Variants in RBM15B observed in about 807,000 individuals in gnomAD.
RBM15B encodes RNA binding motif protein 15B.
Under a neutral mutation model 53.3 loss-of-function variants are expected in RBM15B, and 11 were observed. The observed-to-expected ratio is 0.21, with a 90% CI of 0.13 to 0.34. The LOEUF (loss-of-function observed/expected upper bound fraction) is 0.34, where lower values mean the gene tolerates loss of function less well. Ranked by LOEUF, RBM15B falls within the 10% of genes least tolerant of loss-of-function variation. The pLI is 1.00. For missense variants in RBM15B, 1,136 were observed against 1,250.3 expected (o/e 0.91, Z 1.38); for synonymous variants, 631 against 540.7 (o/e 1.17, Z -2.32).
Position 51,395,417 on chromosome 3 carries a change from G to A in RBM15B, c.*1345G>A, listed in dbSNP as rs549281624. 185 of 181,658 alleles carry A rather than the reference G, an allele frequency of 1.0e-3. 1 individual carries two copies. The highest frequency in any genetic ancestry group is 1.7e-3 in the Non-Finnish European group (136 of 78,094). 11.3% of individuals were successfully genotyped at this position (181,658 alleles called of 1,614,324 possible). Reference sequence around the variant, plus strand: ...TAGCTGGGAAGAAGGGTGAGATTCCGTCTTCTTCCCTGTCTCAAGTAAGTA... The same window carrying A: ...TAGCTGGGAAGAAGGGTGAGATTCCATCTTCTTCCCTGTCTCAAGTAAGTA... On this transcript the variant is annotated 3_prime_UTR_variant, in exon 1 of 1. Coordinates refer to ENST00000563281, the MANE Select transcript of RBM15B (RefSeq NM_013286.5).
rs1559455380 is a variant in RBM15B at position 51,392,779 on chromosome 3, C to T, written c.1380C>T (p.Tyr460=). 3 of 1,614,148 alleles carry T rather than the reference C, an allele frequency of 1.9e-6. No homozygotes were observed. The highest frequency in any genetic ancestry group is 4.5e-5 in the East Asian group (2 of 44,886). ...GAGATAGCTTTGCCTATATTCAGTA[C>T]GAGAGCTTGGACGCAGCCCAGGCCG... ...VKGDSFAYIQ[Y]ESLDAAQAAC... is the part of the protein sequence containing the mutation. Residue 460 remains tyrosine, a synonymous_variant, in exon 1 of 1, where the codon TAC becomes TAT. Transcript: ENST00000563281. The surrounding 1 kb of genome is among the most constrained non-coding windows in gnomAD (Gnocchi z 7.5).
chr3:51,395,831 A>G lies in RBM15B; in HGVS notation c.*1759A>G. 1 of 413,532 alleles carries G rather than the reference A, an allele frequency of 2.4e-6. No homozygotes were observed. The highest frequency in any genetic ancestry group is 4.4e-6 in the Non-Finnish European group (1 of 226,144). 25.6% of individuals were successfully genotyped at this position (413,532 alleles called of 1,614,324 possible). A position where few individuals can be genotyped will look rare whatever the true frequency, so the allele number is the denominator to read the frequency against. On this transcript the variant is annotated 3_prime_UTR_variant, in exon 1 of 1. Coordinates refer to ENST00000563281, the MANE Select transcript of RBM15B (RefSeq NM_013286.5). ...GTGGAATGGACAGGTGCCTCGCAAG[A>G]GAGCAAGCACGTTCATAACAAAACA...
In RBM15B at chr3:51,392,026, C is replaced by T; in HGVS notation, c.627C>T (p.Asp209=). Residue 209 remains aspartate, a synonymous_variant, in exon 1 of 1, where the codon GAC becomes GAT. Coordinates refer to ENST00000563281, the MANE Select transcript of RBM15B (RefSeq NM_013286.5). The surrounding 1 kb of genome is among the most constrained non-coding windows in gnomAD (Gnocchi z 7.5). ...TGGCCCGGCAGCTGCTGCTCTACGA[C>T]CGCCCGCTCAAGGTAGAGCCCGTGT... is the stretch of plus-strand genomic sequence containing the variant. The part of the protein sequence containing the change: ...HALARQLLLY[D]RPLKVEPVYL... The T allele has an allele frequency of 6.3e-7, 1 of 1,597,698 alleles. No individual in the cohort carries two copies. The highest frequency in any genetic ancestry group is 8.5e-7 in the Non-Finnish European group (1 of 1,178,328).
rs1156788563 is a variant in RBM15B at position 51,395,767 on chromosome 3, AG to A, written c.*1697del. The stretch of plus-strand genomic sequence containing the variant: ...CTGTGGAGAGGTCATGCTGGTCCAC[AG>A]GAACACTTGGCAGTGCTCTCGTAGA... On this transcript the variant is annotated 3_prime_UTR_variant, in exon 1 of 1. Transcript: ENST00000563281. The A allele has an allele frequency of 4.8e-6, 2 of 413,424 alleles. No homozygotes were observed. The allele number at this position is 413,424 out of a possible 1,614,324, so 25.6% of individuals were successfully genotyped here. A position where few individuals can be genotyped will look rare whatever the true frequency, so the allele number is the denominator to read the frequency against.
rs1553621937 is a variant in RBM15B at position 51,393,296 on chromosome 3, G to T, written c.1897G>T (p.Glu633Ter). The change falls in exon 1 of 1, where the codon GAG becomes TAG. Residue 633 changes from glutamate (E) to a stop codon, truncating the protein, a stop_gained. Coordinates refer to ENST00000563281, the MANE Select transcript of RBM15B (RefSeq NM_013286.5). LOFTEE classifies it high-confidence loss of function. This position sits in a 1 kb window ranked among gnomAD's most constrained non-coding sequence, Gnocchi z 5.6. ...QSERGSDRTP[E>*]RSRKENHSSE... ...AGAGCGGGGCTCCGACCGCACCCCT[G>T]AGCGCAGCCGCAAGGAGAACCACTC... is the stretch of plus-strand genomic sequence containing the variant. 1 of 1,609,998 alleles carries T rather than the reference G, an allele frequency of 6.2e-7. No homozygotes were observed.
Position 51,391,773 on chromosome 3 carries a change from A to C in RBM15B, c.374A>C (p.Glu125Ala). Residue 125 changes from glutamate (E) to alanine (A), a missense_variant, in exon 1 of 1, where the codon GAG becomes GCG. Glu to Ala is a moderately radical substitution (Grantham distance 107). Around this residue, in one of 7 missense-constraint regions of RBM15B, gnomAD observed 257 missense variants for 261.1 expected, o/e 0.98. Transcript: ENST00000563281. This position sits in a 1 kb window ranked among gnomAD's most constrained non-coding sequence, Gnocchi z 4.5. ...CCGCCTCCGCCACCGCCTGGGGCCG[A>C]GCCCGCGTGTCCCGGCTCATCCGCG... ...LPPPPPPPGA[E>A]PACPGSSAAA... The C allele has an allele frequency of 6.3e-7, 1 of 1,582,790 alleles. No homozygotes were observed. The highest frequency in any genetic ancestry group is 8.5e-7 in the Non-Finnish European group (1 of 1,173,158).
rs2089166103 is a variant in RBM15B at position 51,395,851 on chromosome 3, A to AAAAC, written c.*1781_*1784dup. The AAAAC allele has an allele frequency of 4.8e-6, 2 of 413,552 alleles. No individual in the cohort carries two copies. Among genetic ancestry groups the AAAAC allele is most frequent in the East Asian group, 3.6e-5 (1 of 28,086 alleles). 25.6% of individuals were successfully genotyped at this position (413,552 alleles called of 1,614,324 possible). A position where few individuals can be genotyped will look rare whatever the true frequency, so the allele number is the denominator to read the frequency against. ...GCAAGAGAGCAAGCACGTTCATAACAAAACAGCAACACAAAGACATGTTAA... is the reference window on the plus strand; with the variant it reads ...GCAAGAGAGCAAGCACGTTCATAACAAAACAAACAGCAACACAAAGACATGTTAA... On this transcript the variant is annotated 3_prime_UTR_variant, in exon 1 of 1. Coordinates refer to ENST00000563281, the MANE Select transcript of RBM15B (RefSeq NM_013286.5).
chr3:51,392,537 G>T lies in RBM15B; in HGVS notation c.1138G>T (p.Ala380Ser), dbSNP rs2089056528. ...RPARGQGGAY[A>S]FLKFQNLDMA... ...TGCCCGTGGCCAGGGCGGTGCCTAT[G>T]CCTTCCTCAAGTTCCAGAACCTGGA... Residue 380 changes from alanine (A) to serine (S), a missense_variant, in exon 1 of 1, where the codon GCC becomes TCC. Transcript: ENST00000563281. The surrounding 1 kb of genome is among the most constrained non-coding windows in gnomAD (Gnocchi z 7.5). 2 of 1,613,926 alleles carry T rather than the reference G, an allele frequency of 1.2e-6. No individual in the cohort carries two copies. Among genetic ancestry groups the T allele is most frequent in the Non-Finnish European group, 1.7e-6 (2 of 1,180,024 alleles).
Position 51,391,808 on chromosome 3 carries a change from G to C in RBM15B, c.409G>C (p.Glu137Gln). Residue 137 changes from glutamate (E) to glutamine (Q), a missense_variant, in exon 1 of 1, where the codon GAG becomes CAG. By Grantham distance (29) the Glu-to-Gln change is conservative (BLOSUM62 2). Transcript: ENST00000563281. The surrounding 1 kb of genome is among the most constrained non-coding windows in gnomAD (Gnocchi z 4.5). ...TCCCGGCTCATCCGCGGCCGCGCCT[G>C]AGTACAAGACGTTGCTCATCAGCAG... Reference protein sequence around the residue: ...ACPGSSAAAPEYKTLLISSLS... With the variant: ...ACPGSSAAAPQYKTLLISSLS... The C allele has an allele frequency of 1.3e-6, 2 of 1,596,310 alleles. No homozygotes were observed. The highest frequency in any genetic ancestry group is 1.7e-6 in the Non-Finnish European group (2 of 1,177,782).
rs2106683331 is a variant in RBM15B, at chr3:51,397,386, G to T, written c.*3314G>T. 6.0e-6 allele frequency: 1 copy of T among 167,176 alleles called. No individual in the cohort carries two copies. Among genetic ancestry groups the T allele is most frequent in the South Asian group, 2.1e-4 (1 of 4,832 alleles). The allele number at this position is 167,176 out of a possible 1,614,324, so 10.4% of individuals were successfully genotyped here. On this transcript the variant is annotated 3_prime_UTR_variant, in exon 1 of 1. Coordinates refer to ENST00000563281, the MANE Select transcript of RBM15B (RefSeq NM_013286.5). Reference sequence around the variant, plus strand: ...AGACAAGCTCCACTACCCCTAACCTGCCAGGATGCTCAAGTCCACTGTCAC... The same window carrying T: ...AGACAAGCTCCACTACCCCTAACCTTCCAGGATGCTCAAGTCCACTGTCAC...
rs2089053598 is a variant in RBM15B, at chr3:51,392,357, C to A, written c.958C>A (p.Pro320Thr). 1 of 1,613,828 alleles carries A rather than the reference C, an allele frequency of 6.2e-7. No individual in the cohort carries two copies. The highest frequency in any genetic ancestry group is 1.7e-5 in the Admixed American group (1 of 60,014). ...CGACCGTGGGCGCCCCTATGGCTAC[C>A]CAGCTGTGTGTGAGGAGGACCTGAT... ...YDDRGRPYGY[P>T]AVCEEDLMPE... The change falls in exon 1 of 1, where the codon CCA (proline) becomes ACA (threonine). Residue 320 changes from proline (P) to threonine (T), a missense_variant. Pro to Thr is a conservative substitution (Grantham distance 38, BLOSUM62 -1). Around this residue, in one of 7 missense-constraint regions of RBM15B, gnomAD observed 204 missense variants for 196.8 expected, o/e 1.04. Coordinates refer to ENST00000563281, the MANE Select transcript of RBM15B (RefSeq NM_013286.5). This position sits in a 1 kb window ranked among gnomAD's most constrained non-coding sequence, Gnocchi z 7.5.
At position 51,396,136 on chromosome 3, in the gene RBM15B, T is replaced by TATC. The variant is rs782627643; in HGVS notation, c.*2065_*2067dup. Reference sequence around the variant, plus strand: ...TCCAAAACTTCTTCTCTGGGCTACCTATCTTCCTTCATGAAGCAGGTGCTC... The same window carrying TATC: ...TCCAAAACTTCTTCTCTGGGCTACCTATCATCTTCCTTCATGAAGCAGGTGCTC... On this transcript the variant is annotated 3_prime_UTR_variant, in exon 1 of 1. Transcript: ENST00000563281. 5.2e-5 allele frequency: 21 copies of TATC among 402,536 alleles called. No homozygotes were observed. Among genetic ancestry groups the TATC allele is most frequent in the African/African-American group, 1.7e-4 (8 of 48,436 alleles). The allele number at this position is 402,536 out of a possible 1,614,324, so 24.9% of individuals were successfully genotyped here.
Position 51,392,238 on chromosome 3 carries a change from G to C in RBM15B, c.839G>C (p.Arg280Pro). 1 of 1,575,246 alleles carries C rather than the reference G, an allele frequency of 6.3e-7. No homozygotes were observed. Among genetic ancestry groups the C allele is most frequent in the Non-Finnish European group, 8.6e-7 (1 of 1,165,334 alleles). Residue 280 changes from arginine to proline, a missense_variant, in exon 1 of 1, where the codon CGT becomes CCT. Transcript: ENST00000563281. The surrounding 1 kb of genome is among the most constrained non-coding windows in gnomAD (Gnocchi z 7.5). ...AAPPLREPRA[R>P]HAAAAFALDA... ...CCGCCCCTGCGGGAGCCCCGTGCCCGTCACGCCGCCGCAGCCTTCGCCCTG... is the reference window on the plus strand; with the variant it reads ...CCGCCCCTGCGGGAGCCCCGTGCCCCTCACGCCGCCGCAGCCTTCGCCCTG...
At position 51,395,805 on chromosome 3, in the gene RBM15B, T is replaced by C; in HGVS notation, c.*1733T>C. On this transcript the variant is annotated 3_prime_UTR_variant, in exon 1 of 1. Transcript: ENST00000563281. ...AGTGCTCTCGTAGACCCCTCGGTGATGTGGAATGGACAGGTGCCTCGCAAG... is the reference window on the plus strand; with the variant it reads ...AGTGCTCTCGTAGACCCCTCGGTGACGTGGAATGGACAGGTGCCTCGCAAG... 2.4e-6 allele frequency: 1 copy of C among 413,522 alleles called. No individual in the cohort carries two copies. The highest frequency in any genetic ancestry group is 3.6e-5 in the East Asian group (1 of 28,084). The allele number at this position is 413,522 out of a possible 1,614,324, so 25.6% of individuals were successfully genotyped here.
rs782074771 is a variant in RBM15B, at chr3:51,393,944, G to A, written c.2545G>A (p.Gly849Ser). The A allele has an allele frequency of 1.3e-6, 2 of 1,536,976 alleles. No homozygotes were observed. Among genetic ancestry groups the A allele is most frequent in the African/African-American group, 2.8e-5 (2 of 72,320 alleles). Reference protein sequence around the residue: ...LPVGGSKGRDGTGMLYAFPPC... With the variant: ...LPVGGSKGRDSTGMLYAFPPC... ...AGTGGGGGGGTCCAAGGGCAGAGAC[G>A]GCACAGGCATGCTCTACGCCTTCCC... Residue 849 changes from glycine (G) to serine (S), a missense_variant, in exon 1 of 1, where the codon GGC becomes AGC. Coordinates refer to ENST00000563281, the MANE Select transcript of RBM15B (RefSeq NM_013286.5). The surrounding 1 kb of genome is among the most constrained non-coding windows in gnomAD (Gnocchi z 5.6).
Position 51,392,782 on chromosome 3 carries a change from G to A in RBM15B, c.1383G>A (p.Glu461=), listed in dbSNP as rs1553621821. 1 of 1,614,144 alleles carries A rather than the reference G, an allele frequency of 6.2e-7. No homozygotes were observed. The highest frequency in any genetic ancestry group is 8.5e-7 in the Non-Finnish European group (1 of 1,180,032). ...KGDSFAYIQY[E]SLDAAQAACA... The stretch of plus-strand genomic sequence containing the variant: ...ATAGCTTTGCCTATATTCAGTACGA[G>A]AGCTTGGACGCAGCCCAGGCCGCCT... Residue 461 remains glutamate, a synonymous_variant, in exon 1 of 1, where the codon GAG becomes GAA. Coordinates refer to ENST00000563281, the MANE Select transcript of RBM15B (RefSeq NM_013286.5). This position sits in a 1 kb window ranked among gnomAD's most constrained non-coding sequence, Gnocchi z 7.5.
At position 51,391,307 on chromosome 3, in the gene RBM15B, A is replaced by T; in HGVS notation, c.-93A>T. 9.8e-7 allele frequency: 1 copy of T among 1,024,158 alleles called. No homozygotes were observed. Among genetic ancestry groups the T allele is most frequent in the Non-Finnish European group, 1.2e-6 (1 of 820,170 alleles). The allele number at this position is 1,024,158 out of a possible 1,614,324, so 63.4% of individuals were successfully genotyped here. On this transcript the variant is annotated 5_prime_UTR_variant, in exon 1 of 1. The change abolishes an upstream ATG in the 5' untranslated region. Transcript: ENST00000563281. The surrounding 1 kb of genome is among the most constrained non-coding windows in gnomAD (Gnocchi z 4.5). ...GCCGCGCCGAGTCCTTTTGTCCAAG[A>T]TGGCGGCGCCGGGGGCGCTGCCTCC...
chr3:51,396,118 C>CTT lies in RBM15B; in HGVS notation c.*2047_*2048dup, dbSNP rs1451088482. The CTT allele has an allele frequency of 9.8e-6, 4 of 407,688 alleles. No individual in the cohort carries two copies. Among genetic ancestry groups the CTT allele is most frequent in the East Asian group, 3.6e-5 (1 of 27,818 alleles). The allele number at this position is 407,688 out of a possible 1,614,324, so 25.3% of individuals were successfully genotyped here. A position where few individuals can be genotyped will look rare whatever the true frequency, so the allele number is the denominator to read the frequency against. On this transcript the variant is annotated 3_prime_UTR_variant, in exon 1 of 1. Transcript: ENST00000563281. The stretch of plus-strand genomic sequence containing the variant: ...CCTTGGTATGTTGTTAAGTCCAAAA[C>CTT]TTCTTCTCTGGGCTACCTATCTTCC...
chr3:51,394,282 T>G lies in RBM15B; in HGVS notation c.*210T>G. The G allele has an allele frequency of 3.0e-5, 17 of 573,168 alleles. No homozygotes were observed. Among genetic ancestry groups the G allele is most frequent in the Non-Finnish European group, 3.2e-5 (12 of 378,998 alleles). 35.5% of individuals were successfully genotyped at this position (573,168 alleles called of 1,614,324 possible). On this transcript the variant is annotated 3_prime_UTR_variant, in exon 1 of 1. Coordinates refer to ENST00000563281, the MANE Select transcript of RBM15B (RefSeq NM_013286.5). ...TTTAAACGATGAGAAGGGAATCCGGTTATGTTGATTTCTAGTGTACAAGAT... is the reference window on the plus strand; with the variant it reads ...TTTAAACGATGAGAAGGGAATCCGGGTATGTTGATTTCTAGTGTACAAGAT...
Sources: allele counts gnomAD v4.1 joint callset, GRCh38; gene constraint gnomAD v4.1.1; regional missense constraint gnomAD v4.1.1; non-coding constraint Gnocchi (gnomAD v3.1); transcripts MANE v1.5; gene names NCBI Gene and HGNC (gene_info 2026-07-23, HGNC 2026-07-21).